Variants in CAMSAP1 observed in about 807,000 individuals in gnomAD.
CAMSAP1 encodes calmodulin-regulated spectrin-associated protein 1.
In CAMSAP1, 58 loss-of-function variants were observed where a neutral mutation model predicts 143.5. That is an observed-to-expected ratio of 0.40 (90% confidence interval 0.33 to 0.50). The LOEUF (loss-of-function observed/expected upper bound fraction) is 0.50. Among genes scored for constraint, CAMSAP1 ranks in the 20% least tolerant of loss-of-function variants. The pLI is 0.45. For missense variants in CAMSAP1, 1,969 were observed against 2,115.7 expected (o/e 0.93, Z 1.36); for synonymous variants, 945 against 859.3 (o/e 1.10, Z -1.74).
At position 135,822,376 on chromosome 9, in the gene CAMSAP1, C is replaced by A; in HGVS notation, c.2285G>T (p.Ser762Ile). 6.2e-7 allele frequency: 1 copy of A among 1,614,002 alleles called. No individual in the cohort carries two copies. The highest frequency in any genetic ancestry group is 8.5e-7 in the Non-Finnish European group (1 of 1,179,904). ...FMGEAHPVVF[S>I]RYIGEEESAK... is the part of the protein sequence containing the mutation. ...CGACTCTTCCTCCCCAATGTATCTG[C>A]TGAAAACCACAGGATGGGCCTCACC... is the stretch of plus-strand genomic sequence containing the variant. Residue 762 changes from serine (S) to isoleucine (I), a missense_variant, in exon 11 of 17, where the codon AGC becomes ATC. Physicochemically the swap from Ser to Ile is moderately radical, Grantham distance 142. Coordinates refer to ENST00000389532, the MANE Select transcript of CAMSAP1 (RefSeq NM_015447.4). The surrounding 1 kb of genome is among the most constrained non-coding windows in gnomAD (Gnocchi z 6.1).
chr9:135,836,317 C>T (rs1312631632), intron 7 of CAMSAP1: 13 of 984,476 alleles, frequency 1.3e-5, no homozygotes, highest in South Asian at 4.7e-5. Context: ...TACAGACACA[C>T]GTCACCACGC....
intron 5 of CAMSAP1, among the ~76,000 whole-genome samples, chr9:135,851,009 G>A (rs1317519991): frequency 6.6e-6 from 1 of 152,254 alleles, no homozygotes; most frequent in East Asian, 1.9e-4. Flanking sequence ...GGTGGCTATA[G>A]CATCTGCAGG....
intron 3 of CAMSAP1, among the ~76,000 whole-genome samples, chr9:135,872,842 T>C (rs1023042668): frequency 6.6e-5 from 10 of 152,172 alleles, no homozygotes; most frequent in African/African-American, 2.4e-4. Flanking sequence ...TAACAGACTT[T>C]GAAAATACAC....
chr9:135,900,703 G>A (rs896277722), intron 1 of CAMSAP1, among the ~76,000 whole-genome samples: 4 of 151,804 alleles, frequency 2.6e-5, no homozygotes, highest in Admixed American at 2.6e-4. Context: ...TCAAAAAAAA[G>A]AAAGAGAGGA....
intron 5 of CAMSAP1, among the ~76,000 whole-genome samples, chr9:135,855,611 C>T (rs1189708513): frequency 6.6e-6 from 1 of 151,702 alleles, no homozygotes; most frequent in African/African-American, 2.4e-5. Context: ...TGTGATGGTG[C>T]GTGACTGTAG....
intron 7 of CAMSAP1, among the ~76,000 whole-genome samples, chr9:135,839,270 G>C (rs1245090712): frequency 1.3e-5 from 2 of 152,178 alleles, no homozygotes; most frequent in Admixed American, 1.3e-4. Context: ...CTGTTTCTGT[G>C]CCTGCCACAT....
rs1336743896 is a variant in CAMSAP1 at position 135,815,744 on chromosome 9, G to A, written c.4387+146C>T. 4.7e-5 allele frequency: 33 copies of A among 698,180 alleles called. No individual in the cohort carries two copies. In the Admixed American group the frequency reaches 9.2e-4, roughly 19 times the overall value. 43.2% of individuals were successfully genotyped at this position (698,180 alleles called of 1,614,324 possible). The stretch of plus-strand genomic sequence containing the variant: ...CACATGCCCATTTCAGCACCAAAGA[G>A]CTCAAATTAGCTCTCTTTCACTACA... On this transcript the variant is annotated intron_variant, in intron 15 of 16. Coordinates refer to ENST00000389532, the MANE Select transcript of CAMSAP1 (RefSeq NM_015447.4).
At chr9:135,889,863 G>A (rs1838233115) in intron 1 of CAMSAP1, among the ~76,000 whole-genome samples, 1 of 152,190 alleles carries the variant, frequency 6.6e-6, no homozygotes, top group Non-Finnish European at 1.5e-5. Context: ...CAGGAAAGGT[G>A]CTGGCACCAG....
intron 7 of CAMSAP1, among the ~76,000 whole-genome samples, chr9:135,849,552 T>C (rs60902567): frequency 0.015 from 2,311 of 152,300 alleles, 55 homozygotes; most frequent in African/African-American, 0.052. Flanking sequence ...TGGCTATGAA[T>C]GAGCTCTTTA....
At position 135,815,118 on chromosome 9, in the gene CAMSAP1, G is replaced by A; in HGVS notation, c.4485C>T (p.Pro1495=). Residue 1495 remains proline (P), a synonymous_variant, in exon 16 of 17, where the codon CCC becomes CCT. Coordinates refer to ENST00000389532, the MANE Select transcript of CAMSAP1 (RefSeq NM_015447.4). The part of the protein sequence containing the change: ...HCCLAGKVNE[P]HKNSILEELE... ...TTGCCTCCAATATGGAATTCTTGTGGGGTTCGTTCACTTTTCCAGCCAGGC... is the reference window on the plus strand; with the variant it reads ...TTGCCTCCAATATGGAATTCTTGTGAGGTTCGTTCACTTTTCCAGCCAGGC... 6.2e-7 allele frequency: 1 copy of A among 1,612,792 alleles called. No individual in the cohort carries two copies.
At chr9:135,891,275 G>A (rs1053464704) in intron 1 of CAMSAP1, among the ~76,000 whole-genome samples, 1 of 152,236 alleles carries the variant, frequency 6.6e-6, no homozygotes, top group Admixed American at 6.5e-5. Flanking sequence ...GGAAGCCTAG[G>A]CACGGGGTAA....
chr9:135,873,393 C>T (rs1837630098), intron 3 of CAMSAP1, among the ~76,000 whole-genome samples: 1 of 152,090 alleles, frequency 6.6e-6, no homozygotes, highest in Admixed American at 6.5e-5. Flanking sequence ...CAATAACTAA[C>T]TCCCCCCTTA....
chr9:135,904,326 C>T (rs546456433), intron 1 of CAMSAP1, among the ~76,000 whole-genome samples: 1 of 147,304 alleles, frequency 6.8e-6, no homozygotes, highest in African/African-American at 2.5e-5. Context: ...TTGAGCCCGG[C>T]AGGCGGAGGT....
intron 1 of CAMSAP1, among the ~76,000 whole-genome samples, chr9:135,902,528 A>C (rs964725642): frequency 6.6e-6 from 1 of 152,224 alleles, no homozygotes; most frequent in African/African-American, 2.4e-5. Context: ...CATTTTAACG[A>C]AAAGTCACTA....
chr9:135,819,224 G>T, intron 11 of CAMSAP1, 78 bp from the exon 12 acceptor site: 2 of 1,489,602 alleles, frequency 1.3e-6, no homozygotes, highest in Non-Finnish European at 1.8e-6. Context: ...CCCAGCAGCC[G>T]ACTTCCACTA....
At chr9:135,848,985 GC>G (rs1321473083) in intron 7 of CAMSAP1, among the ~76,000 whole-genome samples, 10 of 152,346 alleles carry the variant, frequency 6.6e-5, no homozygotes, top group Admixed American at 5.9e-4. Flanking sequence ...CTCAGACACT[GC>G]CCCACACCTG....
chr9:135,869,297 G>A (rs969848227), intron 3 of CAMSAP1, among the ~76,000 whole-genome samples: 2 of 152,016 alleles, frequency 1.3e-5, no homozygotes, highest in African/African-American at 4.8e-5. Context: ...GAGCTCAGGA[G>A]TTCAAGACCA....
At position 135,823,988 on chromosome 9, in the gene CAMSAP1, A is replaced by G. The variant is rs1835582668; in HGVS notation, c.1362T>C (p.Pro454=). ...CTGGCCAGGCTATTGCTGCTCCTCG[A>G]GGCTGACCATCAACTCGGGTCAAAG... ...SNSLTRVDGQ[P]RGAAIAWPEK... Residue 454 remains proline, a synonymous_variant, in exon 10 of 17, where the codon CCT becomes CCC. Coordinates refer to ENST00000389532, the MANE Select transcript of CAMSAP1 (RefSeq NM_015447.4). The G allele has an allele frequency of 1.3e-6, 2 of 1,590,154 alleles. 1 individual carries two copies. The highest frequency in any genetic ancestry group is 2.3e-5 in the South Asian group (2 of 86,724).
chr9:135,875,522 T>C (rs925475638), intron 3 of CAMSAP1, among the ~76,000 whole-genome samples: 1 of 152,196 alleles, frequency 6.6e-6, no homozygotes, highest in Non-Finnish European at 1.5e-5. Flanking sequence ...AAAACAATTA[T>C]TTTTTAACAC....
Sources: allele counts gnomAD v4.1 joint callset (sites outside exome capture counted in the v4.1 genomes callset), GRCh38; gene constraint gnomAD v4.1.1; non-coding constraint Gnocchi (gnomAD v3.1); transcripts MANE v1.5; gene names NCBI Gene and HGNC (gene_info 2026-07-23, HGNC 2026-07-21).